ITPR2: variants seen among roughly 807,000 people sequenced by gnomAD.
ITPR2 encodes inositol 1,4,5-trisphosphate receptor type 2, also known as inositol 1,4,5-trisphosphate-gated calcium channel ITPR2.
Under a neutral mutation model 317.1 loss-of-function variants are expected in ITPR2, and 207 were observed. That is an observed-to-expected ratio of 0.65 (90% CI 0.58 to 0.73). ITPR2 has a LOEUF of 0.73. ITPR2 is among the 30% of genes least tolerant of loss of function. The pLI is 0.00. For missense variants in ITPR2, 2,613 were observed against 3,284.0 expected (o/e 0.80, Z 4.99); for synonymous variants, 1,156 against 1,149.1 (o/e 1.01, Z -0.12).
chr12:26,732,655 GATGAA>G (rs949284978), intron 2 of ITPR2, among the ~76,000 whole-genome samples: 8 of 152,194 alleles, frequency 5.3e-5, no homozygotes, highest in African/African-American at 1.9e-4. Flanking sequence ...GAGGAATTGA[GATGAA>G]ATATGAACCA....
In ITPR2 at chr12:26,599,834, GA is replaced by G. The variant is rs140295750; in HGVS notation, c.3801+152del. Among the ~76,000 whole-genome samples, 11 of 144,398 alleles carry G rather than the reference GA, an allele frequency of 7.6e-5. No homozygotes were observed. In the East Asian group the frequency reaches 1.6e-3, roughly 21 times the overall value. 94.7% of individuals were successfully genotyped at this position (144,398 alleles called of 152,430 possible). ...AAGTTTCTTTAAAAGTTTCCTTAAT[GA>G]AAAAAAAAAGATATTCACTTCTGGA... is the stretch of plus-strand genomic sequence containing the variant. On this transcript the variant is annotated intron_variant, in intron 29 of 56. Coordinates refer to ENST00000381340, the MANE Select transcript of ITPR2 (RefSeq NM_002223.4).
intron 5 of ITPR2, among the ~76,000 whole-genome samples, chr12:26,719,271 T>A (rs1948793347): frequency 6.6e-6 from 1 of 152,218 alleles, no homozygotes; most frequent in Non-Finnish European, 1.5e-5. Context: ...GCTCAGGACG[T>A]GATTCACAGA....
At chr12:26,393,068 T>A (rs895730705) in intron 54 of ITPR2, among the ~76,000 whole-genome samples, 1 of 152,240 alleles carries the variant, frequency 6.6e-6, no homozygotes, top group Non-Finnish European at 1.5e-5. Flanking sequence ...CTTCCAAACA[T>A]CTGGACATTG....
chr12:26,469,778 C>T (rs1207702148), intron 45 of ITPR2, among the ~76,000 whole-genome samples: 3 of 152,084 alleles, frequency 2.0e-5, no homozygotes, highest in Non-Finnish European at 2.9e-5. Context: ...AATGTAAATC[C>T]TTTCCTCCAC....
chr12:26,435,268 G>C lies in ITPR2; in HGVS notation c.6769+953C>G, dbSNP rs926740775. Among the ~76,000 whole-genome samples the C allele has an allele frequency of 1.3e-5, 2 of 152,084 alleles. 1 individual carries two copies. The highest frequency in any genetic ancestry group is 4.2e-4 in the South Asian group (2 of 4,818). On this transcript the variant is annotated intron_variant, in intron 48 of 56. Coordinates refer to ENST00000381340, the MANE Select transcript of ITPR2 (RefSeq NM_002223.4). ...TCTTATCATACTCTCTTTCCACTAC[G>C]CTTCCTTATGTAGTACAAATATGTA...
intron 13 of ITPR2, among the ~76,000 whole-genome samples, chr12:26,673,575 C>T (rs1231844326): frequency 1.3e-5 from 2 of 151,486 alleles, no homozygotes; most frequent in East Asian, 3.9e-4. Context: ...ATGACAAACC[C>T]ACAGCCAATG....
intron 2 of ITPR2, among the ~76,000 whole-genome samples, chr12:26,777,747 C>T (rs1320087915): frequency 6.6e-6 from 1 of 152,158 alleles, no homozygotes; most frequent in Non-Finnish European, 1.5e-5. Context: ...AGCCAGTTTA[C>T]AGACCTAGAA....
intron 37 of ITPR2, among the ~76,000 whole-genome samples, chr12:26,510,456 A>T (rs1275304823): frequency 6.6e-6 from 1 of 152,216 alleles, no homozygotes; most frequent in African/African-American, 2.4e-5. Context: ...ACAAGACCTG[A>T]CCACACACCT....
chr12:26,685,097 C>T (rs1322400706), intron 11 of ITPR2, among the ~76,000 whole-genome samples: 2 of 152,194 alleles, frequency 1.3e-5, no homozygotes, highest in African/African-American at 4.8e-5. Flanking sequence ...GAAACCCACA[C>T]AATGCCTGCC....
intron 34 of ITPR2, among the ~76,000 whole-genome samples, chr12:26,570,854 C>G (rs1004153140): frequency 5.9e-5 from 9 of 152,164 alleles, no homozygotes; most frequent in African/African-American, 2.2e-4. Context: ...ATTCGCATAG[C>G]CTTAATGCCC....
intron 26 of ITPR2, among the ~76,000 whole-genome samples, chr12:26,605,162 C>T (rs1479000758): frequency 1.4e-5 from 2 of 143,372 alleles, no homozygotes; most frequent in Non-Finnish European, 3.1e-5. Flanking sequence ...TTAAACTATA[C>T]ATGAAAGTAA....
intron 30 of ITPR2, among the ~76,000 whole-genome samples, chr12:26,598,474 G>A (rs141257655): frequency 1.9e-3 from 286 of 152,282 alleles, no homozygotes; most frequent in African/African-American, 6.5e-3. Context: ...TGGTCACAGA[G>A]CGGTGATTTA....
intron 2 of ITPR2, among the ~76,000 whole-genome samples, chr12:26,738,756 C>T (rs1949175118): frequency 6.6e-6 from 1 of 152,054 alleles, no homozygotes; most frequent in South Asian, 2.1e-4. Context: ...ATCAATTCCC[C>T]AAACTTTTTC....
chr12:26,725,583 TA>T, intron 3 of ITPR2, 66 bp downstream of exon 3: 2 of 1,059,436 alleles, frequency 1.9e-6, no homozygotes, highest in Non-Finnish European at 2.9e-6. Flanking sequence ...TAGAAAGCTC[TA>T]AATACATTTT....
Position 26,716,156 on chromosome 12 carries a change from T to C in ITPR2, c.612A>G (p.Pro204=). 1 of 1,611,712 alleles carries C rather than the reference T, an allele frequency of 6.2e-7. No individual in the cohort carries two copies. The highest frequency in any genetic ancestry group is 8.5e-7 in the Non-Finnish European group (1 of 1,178,040). ...CACTTGAACTTACCTCTTTACACCCTGGGTTATCAAGAAGCTCTATGTTGC... is the reference window on the plus strand; with the variant it reads ...CACTTGAACTTACCTCTTTACACCCCGGGTTATCAAGAAGCTCTATGTTGC... ...HASNIELLDN[P]GCKEVNAVNC... The change falls in exon 6 of 57, where the codon CCA becomes CCG. Residue 204 remains proline (P), a synonymous_variant. Coordinates refer to ENST00000381340, the MANE Select transcript of ITPR2 (RefSeq NM_002223.4).
intron 13 of ITPR2, among the ~76,000 whole-genome samples, chr12:26,674,351 T>C (rs1947858804): frequency 6.6e-6 from 1 of 152,072 alleles, no homozygotes. Flanking sequence ...AACAGAGATA[T>C]AGACCAATGG....
chr12:26,753,964 A>G (rs1040910006), intron 2 of ITPR2, among the ~76,000 whole-genome samples: 1 of 152,168 alleles, frequency 6.6e-6, no homozygotes, highest in Admixed American at 6.5e-5. Flanking sequence ...TTTGATTCCA[A>G]GCTTAGGGGA....
intron 3 of ITPR2, 127 bp from the exon 4 acceptor site, chr12:26,724,869 C>G (rs1948894447): frequency 6.8e-6 from 4 of 586,948 alleles, no homozygotes; most frequent in Middle Eastern, 4.5e-4. Flanking sequence ...AGAGTCAGGA[C>G]TGTAATCTTA....
chr12:26,556,827 C>T (rs185121779), intron 35 of ITPR2, among the ~76,000 whole-genome samples: 6 of 151,106 alleles, frequency 4.0e-5, no homozygotes, highest in African/African-American at 1.5e-4. Flanking sequence ...GCATGTAATC[C>T]CAGCACTTTG....
Sources: allele counts gnomAD v4.1 joint callset (sites outside exome capture counted in the v4.1 genomes callset), GRCh38; gene constraint gnomAD v4.1.1; transcripts MANE v1.5; gene names NCBI Gene and HGNC (gene_info 2026-07-23, HGNC 2026-07-21).